Variants in CHN2 observed in about 807,000 individuals in gnomAD.
CHN2 encodes the protein beta-chimaerin.
Under a neutral mutation model 56.3 loss-of-function variants are expected in CHN2, and 35 were observed. The observed-to-expected ratio is 0.62, with a 90% CI of 0.47 to 0.82. The LOEUF is 0.82. Ranked by LOEUF, CHN2 falls within the 40% of genes least tolerant of loss-of-function variation. CHN2 has a pLI of 0.00. For synonymous variants in CHN2, 210 were observed against 212.8 expected, an observed-to-expected ratio of 0.99 and a Z score of 0.12; for missense variants, 491 against 580.5, an observed-to-expected ratio of 0.85 and a Z score of 1.58.
intron 3 of CHN2, among the ~76,000 whole-genome samples, chr7:29,392,714 C>T (rs1801461533): frequency 6.6e-6 from 1 of 152,166 alleles, no homozygotes; most frequent in Non-Finnish European, 1.5e-5. Flanking sequence ...GAAACTGCCC[C>T]ATATCATGAA....
chr7:29,511,585 CT>C (rs1394412821), intron 12 of CHN2, among the ~76,000 whole-genome samples: 1 of 152,132 alleles, frequency 6.6e-6, no homozygotes, highest in African/African-American at 2.4e-5. Flanking sequence ...CAACCTTCTT[CT>C]TAGGCTTTGT....
intron 1 of CHN2, among the ~76,000 whole-genome samples, chr7:29,310,854 T>TC (rs1386863923): frequency 6.6e-6 from 1 of 152,138 alleles, no homozygotes; most frequent in Non-Finnish European, 1.5e-5. Flanking sequence ...AGCCCCTCCT[T>TC]CTGACACCAT....
intron 2 of CHN2, chr7:29,148,479 T>C (rs373705594): frequency 2.6e-5 from 4 of 152,366 alleles, no homozygotes; most frequent in East Asian, 3.9e-4. Context: ...AATAACACGT[T>C]TTAACTTTAA....
intron 6 of CHN2, among the ~76,000 whole-genome samples, chr7:29,440,550 G>T (rs1271403935): frequency 6.6e-6 from 1 of 151,916 alleles, no homozygotes; most frequent in Admixed American, 6.6e-5. Flanking sequence ...AATTAGCCAA[G>T]CGTGGTGGCA....
intron 6 of CHN2, among the ~76,000 whole-genome samples, chr7:29,475,663 C>T (rs1157454759): frequency 1.3e-5 from 2 of 152,174 alleles, no homozygotes; most frequent in Non-Finnish European, 2.9e-5. Flanking sequence ...TATATCCATA[C>T]AATGGATTGT....
At chr7:29,345,922 G>T (rs766854061) in intron 1 of CHN2, among the ~76,000 whole-genome samples, 4 of 152,084 alleles carry the variant, frequency 2.6e-5, no homozygotes, top group Non-Finnish European at 4.4e-5. Context: ...CCTGGAATTT[G>T]TCTTACTAAC....
chr7:29,148,694 G>A (rs919469809), intron 2 of CHN2: 1 of 152,208 alleles, frequency 6.6e-6, no homozygotes, highest in African/African-American at 2.4e-5. Flanking sequence ...TTTGTCGTGT[G>A]TCAGGTTCTG....
chr7:29,495,931 T>C lies in CHN2; in HGVS notation c.655-21T>C, dbSNP rs1436725815. On this transcript the variant is annotated intron_variant, in intron 7 of 12. Transcript: ENST00000222792. Reference sequence around the variant, plus strand: ...AAATGACTCTGAGCTTTCTGACATTTTTCTTCTTTTTGGATCACAGGTCCA... The same window carrying C: ...AAATGACTCTGAGCTTTCTGACATTCTTCTTCTTTTTGGATCACAGGTCCA... 1.6e-5 allele frequency: 26 copies of C among 1,609,412 alleles called. No homozygotes were observed. In the East Asian group the frequency reaches 5.8e-4, roughly 36 times the overall value.
chr7:29,197,599 A>G (rs964046954), intron 1 of CHN2, among the ~76,000 whole-genome samples: 4 of 152,252 alleles, frequency 2.6e-5, no homozygotes, highest in Admixed American at 2.0e-4. Context: ...AGGTGGAGAC[A>G]TGAATCCAAC....
intron 1 of CHN2, among the ~76,000 whole-genome samples, chr7:29,353,498 A>G (rs868165836): frequency 6.6e-6 from 1 of 152,280 alleles, no homozygotes; most frequent in Middle Eastern, 3.4e-3. Flanking sequence ...AACCAAAACT[A>G]TAAAAAATTG....
intron 1 of CHN2, among the ~76,000 whole-genome samples, chr7:29,346,790 T>C (rs1220403990): frequency 6.6e-6 from 1 of 152,144 alleles, no homozygotes; most frequent in Non-Finnish European, 1.5e-5. Context: ...TGTTTGCAGG[T>C]ATTTCCTCTT....
intron 6 of CHN2, among the ~76,000 whole-genome samples, chr7:29,412,238 T>G (rs970954669): frequency 6.6e-6 from 1 of 150,606 alleles, no homozygotes; most frequent in Non-Finnish European, 1.5e-5. Context: ...ATCCTTTACC[T>G]CCTGGCTCCA....
At chr7:29,401,599 A>G (rs1185434947) in intron 6 of CHN2, among the ~76,000 whole-genome samples, 1 of 152,154 alleles carries the variant, frequency 6.6e-6, no homozygotes, top group East Asian at 1.9e-4. Flanking sequence ...TACTTAGATA[A>G]CAGGTTTCAC....
At chr7:29,388,427 G>C (rs763666913) in intron 3 of CHN2, among the ~76,000 whole-genome samples, 1 of 152,192 alleles carries the variant, frequency 6.6e-6, no homozygotes, top group Non-Finnish European at 1.5e-5. Context: ...CCCGGTGATA[G>C]CTCATAGCAA....
At chr7:29,231,229 C>G (rs1209401485) in intron 1 of CHN2, among the ~76,000 whole-genome samples, 3 of 152,142 alleles carry the variant, frequency 2.0e-5, no homozygotes, top group South Asian at 4.1e-4. Flanking sequence ...CCAGTGTGAC[C>G]TTGGTACTTG....
intron 2 of CHN2, chr7:29,146,981 A>G (rs1396973347): frequency 1.3e-6 from 2 of 1,550,790 alleles, no homozygotes; most frequent in Non-Finnish European, 1.7e-6. Context: ...ACCAAGTGCC[A>G]CTGTCCTGCC....
chr7:29,384,217 C>T (rs1213195040), intron 3 of CHN2, among the ~76,000 whole-genome samples: 1 of 152,138 alleles, frequency 6.6e-6, no homozygotes, highest in East Asian at 1.9e-4. Flanking sequence ...ATTTTCATAT[C>T]AACCCATCTG....
At chr7:29,377,834 A>G (rs1042341521) in intron 3 of CHN2, among the ~76,000 whole-genome samples, 1 of 152,246 alleles carries the variant, frequency 6.6e-6, no homozygotes, top group African/African-American at 2.4e-5. Flanking sequence ...CTCTGCTTCA[A>G]CGATAGTATC....
At chr7:29,425,374 A>C (rs1003694067) in intron 6 of CHN2, among the ~76,000 whole-genome samples, 1 of 152,260 alleles carries the variant, frequency 6.6e-6, no homozygotes, top group African/African-American at 2.4e-5. Context: ...GCAGACCCCC[A>C]GCTGAGGAAC....
Sources: allele counts gnomAD v4.1 joint callset (sites outside exome capture counted in the v4.1 genomes callset), GRCh38; gene constraint gnomAD v4.1.1; transcripts MANE v1.5; gene names NCBI Gene and HGNC (gene_info 2026-07-23, HGNC 2026-07-21).